The following PDGFD variants were observed in gnomAD, a reference collection of about 807,000 sequenced individuals.
PDGFD encodes platelet-derived growth factor D.
Under a neutral mutation model 44.7 loss-of-function variants are expected in PDGFD, and 30 were observed. That is an observed-to-expected ratio of 0.67 (90% CI 0.50 to 0.91). The LOEUF is 0.91. Among genes scored for constraint, PDGFD ranks in the 40% least tolerant of loss-of-function variants. The probability of loss-of-function intolerance (pLI) is 0.00; values close to 1 mark genes in which losing one functional copy is unlikely to be tolerated. For synonymous variants in PDGFD, 173 were observed against 168.4 expected (o/e 1.03, Z -0.21); for missense variants, 445 against 457.8 (o/e 0.97, Z 0.25).
chr11:103,930,130 A>G (rs949397943), intron 5 of PDGFD, among the ~76,000 whole-genome samples: 1 of 152,118 alleles, frequency 6.6e-6, no homozygotes, highest in Non-Finnish European at 1.5e-5. Context: ...TTTGACATCA[A>G]TTAAGTTTTT....
rs541020787 is a variant in PDGFD, at chr11:104,130,326, A to G, written c.124+33478T>C. ...GTTCAGGAGGCACTGGCCCCAAGGA[A>G]GAGCAGGGACATTGTAATGAGATGT... On this transcript the variant is annotated intron_variant, in intron 1 of 6. Coordinates refer to ENST00000393158, the MANE Select transcript of PDGFD (RefSeq NM_025208.5). 2.0e-4 allele frequency among the ~76,000 whole-genome samples: 30 copies of G among 152,240 alleles called. No homozygotes were observed. In the South Asian group the frequency reaches 6.2e-3, roughly 32 times the overall value.
intron 1 of PDGFD, among the ~76,000 whole-genome samples, chr11:104,122,838 G>T (rs189013217): frequency 6.6e-6 from 1 of 152,006 alleles, no homozygotes; most frequent in East Asian, 1.9e-4. Flanking sequence ...TGATCCTGAT[G>T]ACTCTCTATG....
At chr11:104,122,596 T>A (rs1345536439) in intron 1 of PDGFD, among the ~76,000 whole-genome samples, 2 of 151,994 alleles carry the variant, frequency 1.3e-5, no homozygotes, top group Non-Finnish European at 2.9e-5. Flanking sequence ...GCTCTTAACC[T>A]CACTCTTTAT....
At chr11:104,077,214 T>G (rs191974479) in intron 1 of PDGFD, among the ~76,000 whole-genome samples, 43 of 152,228 alleles carry the variant, frequency 2.8e-4, no homozygotes, top group African/African-American at 1.0e-3. Flanking sequence ...AGGGTAGATC[T>G]CAATGTGAAA....
chr11:104,101,067 C>T (rs2134445059), intron 1 of PDGFD, among the ~76,000 whole-genome samples: 1 of 152,232 alleles, frequency 6.6e-6, no homozygotes, highest in African/African-American at 2.4e-5. Context: ...TCTCGCACCA[C>T]TCCTATTCAA....
intron 2 of PDGFD, 45 bp from the exon 3 acceptor site, chr11:103,996,290 T>C (rs907492546): frequency 6.7e-7 from 1 of 1,494,164 alleles, no homozygotes; most frequent in Admixed American, 2.0e-5. Context: ...TTAAAGTAGA[T>C]TTTGAAATTC....
At chr11:104,123,393 C>T (rs1380611089) in intron 1 of PDGFD, among the ~76,000 whole-genome samples, 1 of 151,972 alleles carries the variant, frequency 6.6e-6, no homozygotes, top group African/African-American at 2.4e-5. Context: ...CGTAGCAGGG[C>T]AATTGTCTAG....
At chr11:104,046,660 A>G (rs1448224313) in intron 1 of PDGFD, among the ~76,000 whole-genome samples, 2 of 147,578 alleles carry the variant, frequency 1.4e-5, no homozygotes, top group Non-Finnish European at 3.0e-5. Flanking sequence ...TAAGTATTCA[A>G]TAACAAATCT....
chr11:103,962,947 T>A (rs888886811), intron 3 of PDGFD, among the ~76,000 whole-genome samples: 5 of 152,172 alleles, frequency 3.3e-5, no homozygotes, highest in Non-Finnish European at 5.9e-5. Flanking sequence ...AATCACCTGT[T>A]ACAAATTCTA....
chr11:104,030,826 T>C (rs1166014701), intron 1 of PDGFD, among the ~76,000 whole-genome samples: 2 of 152,144 alleles, frequency 1.3e-5, no homozygotes, highest in Non-Finnish European at 2.9e-5. Flanking sequence ...CCCACTTCAG[T>C]GACACTTCCT....
At chr11:104,153,769 A>C (rs1235358181) in intron 1 of PDGFD, among the ~76,000 whole-genome samples, 9 of 152,194 alleles carry the variant, frequency 5.9e-5, no homozygotes, top group African/African-American at 2.4e-5. Context: ...AAATAGCAAA[A>C]TAAAAAGACA....
At chr11:103,988,977 G>A (rs1193813673) in intron 3 of PDGFD, among the ~76,000 whole-genome samples, 1 of 151,998 alleles carries the variant, frequency 6.6e-6, no homozygotes, top group Non-Finnish European at 1.5e-5. Flanking sequence ...CCTCATATGT[G>A]AAATCCTCAA....
chr11:103,925,673 GTC>G (rs1565285896), intron 6 of PDGFD, among the ~76,000 whole-genome samples: 7 of 117,584 alleles, frequency 6.0e-5, no homozygotes, highest in Non-Finnish European at 8.4e-5. Flanking sequence ...ATGTGTGTGT[GTC>G]TGTGTATATA....
chr11:104,050,697 C>T (rs1377223363), intron 1 of PDGFD, among the ~76,000 whole-genome samples: 1 of 152,156 alleles, frequency 6.6e-6, no homozygotes, highest in Non-Finnish European at 1.5e-5. Context: ...GCATTCAGTA[C>T]TGCAGGTCTG....
Position 103,926,801 on chromosome 11 carries a change from C to T in PDGFD, c.987+111G>A, listed in dbSNP as rs74953853. The T allele has an allele frequency of 5.8e-3, 6,651 of 1,149,652 alleles. 294 individuals are homozygous for T. The African/African-American group carries it at 0.092, about 16-fold the overall frequency. The allele number at this position is 1,149,652 out of a possible 1,614,324, so 71.2% of individuals were successfully genotyped here. On this transcript the variant is annotated intron_variant, in intron 6 of 6. Coordinates refer to ENST00000393158, the MANE Select transcript of PDGFD (RefSeq NM_025208.5). ...TAGAATTTCTGCTCCTAATCAAACC[C>T]TGGCTGGGTGCCCTTGTGCAGTGAA...
At chr11:103,967,688 C>T (rs1045314384) in intron 3 of PDGFD, among the ~76,000 whole-genome samples, 7 of 152,278 alleles carry the variant, frequency 4.6e-5, no homozygotes, top group Admixed American at 2.6e-4. Flanking sequence ...TCATCAACAT[C>T]TGGACTCCTC....
At chr11:104,020,914 C>A (rs1264755162) in intron 1 of PDGFD, among the ~76,000 whole-genome samples, 1 of 152,112 alleles carries the variant, frequency 6.6e-6, no homozygotes, top group African/African-American at 2.4e-5. Context: ...TTTTTCTAGA[C>A]AAGCTCTTAG....
chr11:103,997,187 A>G (rs1428848702), intron 2 of PDGFD, among the ~76,000 whole-genome samples: 1 of 152,146 alleles, frequency 6.6e-6, no homozygotes, highest in Non-Finnish European at 1.5e-5. Flanking sequence ...TCGCTCCTAC[A>G]ATCTACTTTT....
At chr11:104,068,008 GA>G (rs1243219653) in intron 1 of PDGFD, among the ~76,000 whole-genome samples, 2 of 152,118 alleles carry the variant, frequency 1.3e-5, no homozygotes, top group Admixed American at 1.3e-4. Flanking sequence ...AAAAGGAATA[GA>G]GTGTTATCAC....
Sources: gnomAD v4.1 joint callset for allele counts (sites outside exome capture counted in the v4.1 genomes callset) on GRCh38, gnomAD v4.1.1 for gene constraint, MANE v1.5 for transcripts, NCBI Gene and HGNC (gene_info 2026-07-23, HGNC 2026-07-21) for gene names.